ANO4: variants seen among roughly 807,000 people sequenced by gnomAD.
ANO4 encodes anoctamin 4.
In ANO4, 69 loss-of-function variants were observed where a neutral mutation model predicts 141.9. The ratio of observed to expected loss-of-function variants is 0.49; its 90% confidence interval spans 0.40 to 0.59. The LOEUF (loss-of-function observed/expected upper bound fraction) is 0.59. Among genes scored for constraint, ANO4 ranks in the 20% least tolerant of loss-of-function variants. The pLI, the probability that ANO4 is intolerant of heterozygous loss-of-function variation, is 0.00. For missense variants in ANO4, 894 were observed against 1,162.2 expected, an observed-to-expected ratio of 0.77 and a Z score of 3.36; for synonymous variants, 350 against 394.3, an observed-to-expected ratio of 0.89 and a Z score of 1.33.
intron 12 of ANO4, 111 bp from the exon 13 acceptor site, chr12:101,043,428 A>C: frequency 1.4e-6 from 1 of 730,460 alleles, no homozygotes; most frequent in Non-Finnish European, 2.3e-6. Context: ...GATGCTTCTA[A>C]GGGCAAACAT....
At chr12:100,733,943 G>A in intron 2 of ANO4, 1 of 625,252 alleles carries the variant, frequency 1.6e-6, no homozygotes. Flanking sequence ...GGGGAGGAGA[G>A]GGAAGAAAAT....
At position 101,083,831 on chromosome 12, in the gene ANO4, T is replaced by TA. The variant is rs775771623; in HGVS notation, c.1536+20dup. On this transcript the variant is annotated intron_variant, in intron 16 of 27. Transcript: ENST00000392977. ...AATATTTTTTATGGTTTGAAACTTT[T>TA]AAAAAAATATTTGTTTCATAAAATA... 4 of 1,541,888 alleles carry TA rather than the reference T, an allele frequency of 2.6e-6. No homozygotes were observed. Among genetic ancestry groups the TA allele is most frequent in the Admixed American group, 2.4e-5 (1 of 41,438 alleles).
At chr12:100,847,301 A>G (rs1282829436) in intron 1 of ANO4, among the ~76,000 whole-genome samples, 1 of 151,910 alleles carries the variant, frequency 6.6e-6, no homozygotes, top group East Asian at 1.9e-4. Context: ...GATCAGGTGG[A>G]ACTGTGGGTG....
chr12:100,945,339 A>T (rs2042680628), intron 5 of ANO4, among the ~76,000 whole-genome samples: 2 of 152,220 alleles, frequency 1.3e-5, no homozygotes, highest in South Asian at 4.1e-4. Flanking sequence ...CCTTTGCTCC[A>T]GGCTGATTAG....
rs148799316 is a variant in ANO4 at position 101,037,116 on chromosome 12, A to G, written c.863A>G (p.Asn288Ser). Residue 288 changes from asparagine (N) to serine (S), a missense_variant, in exon 10 of 28, where the codon AAT (asparagine) becomes AGT (serine). By Grantham distance (46) the Asn-to-Ser change is conservative. Around this residue, in one of 2 missense-constraint regions of ANO4, gnomAD observed 637 missense variants for 909.2 expected, o/e 0.70. Coordinates refer to ENST00000392977, the MANE Select transcript of ANO4 (RefSeq NM_001286615.2). Reference protein sequence around the residue: ...NKIGLNRLLTNGSYEAAFPLH... With the variant: ...NKIGLNRLLTSGSYEAAFPLH... ...TTAGGTCTGAATCGTTTGCTTACCA[A>G]TGGCTCCTATGAAGCTGCGTTTCCC... is the stretch of plus-strand genomic sequence containing the variant. 108 of 1,613,894 alleles carry G rather than the reference A, an allele frequency of 6.7e-5. No homozygotes were observed. The highest frequency in any genetic ancestry group is 1.1e-4 in the African/African-American group (8 of 74,932).
chr12:101,042,317 C>G lies in ANO4; in HGVS notation c.1020-17C>G, dbSNP rs373532890. On this transcript the variant is annotated splice_polypyrimidine_tract_variant and intron_variant, in intron 11 of 27. Coordinates refer to ENST00000392977, the MANE Select transcript of ANO4 (RefSeq NM_001286615.2). ...CACACTGCACTGTAATTTGCAAGGC[C>G]GTTGTGTCTTTAACAGGCGGTACTT... 4 of 1,613,714 alleles carry G rather than the reference C, an allele frequency of 2.5e-6. No homozygotes were observed. The highest frequency in any genetic ancestry group is 1.7e-5 in the Admixed American group (1 of 59,952).
chr12:101,121,137 G>T (rs140755910), intron 26 of ANO4, among the ~76,000 whole-genome samples: 1 of 152,126 alleles, frequency 6.6e-6, no homozygotes, highest in Non-Finnish European at 1.5e-5. Context: ...TACATTGCAT[G>T]ATGTTGAGGT....
At chr12:100,731,020 C>T (rs34312131) in intron 1 of ANO4, among the ~76,000 whole-genome samples, 10,348 of 152,186 alleles carry the variant, frequency 0.068, 489 homozygotes, top group Non-Finnish European at 0.11. Context: ...CTTCTCTGTC[C>T]AGGTACCTGC....
intron 2 of ANO4, among the ~76,000 whole-genome samples, chr12:100,737,384 T>A (rs571324152): frequency 1.3e-5 from 2 of 152,158 alleles, no homozygotes; most frequent in Non-Finnish European, 2.9e-5. Flanking sequence ...CTGAGAAACT[T>A]TCCCCTGCAG....
chr12:100,818,373 G>T (rs1444905334), intron 1 of ANO4, among the ~76,000 whole-genome samples: 1 of 151,774 alleles, frequency 6.6e-6, no homozygotes, highest in Non-Finnish European at 1.5e-5. Flanking sequence ...GAGATTGTTG[G>T]CTAAGTTGAG....
At chr12:101,042,202 T>C (rs920483250) in intron 11 of ANO4, 132 bp from the exon 12 acceptor site, 8 of 1,139,372 alleles carry the variant, frequency 7.0e-6, no homozygotes, top group Non-Finnish European at 9.9e-6. Context: ...TGGGATGTTC[T>C]TTTATCTTGG....
chr12:100,923,028 C>T (rs565091712), intron 3 of ANO4, among the ~76,000 whole-genome samples: 1 of 151,948 alleles, frequency 6.6e-6, no homozygotes, highest in South Asian at 2.1e-4. Context: ...CTCTTAATAT[C>T]GAATAATTTA....
intron 3 of ANO4, among the ~76,000 whole-genome samples, chr12:100,751,383 G>A (rs1294718623): frequency 6.6e-6 from 1 of 152,118 alleles, no homozygotes; most frequent in Non-Finnish European, 1.5e-5. Context: ...CAACCCCCAG[G>A]AACTGCTGAG....
intron 1 of ANO4, among the ~76,000 whole-genome samples, chr12:100,880,066 G>T (rs574395973): frequency 6.6e-6 from 1 of 152,270 alleles, no homozygotes; most frequent in South Asian, 2.1e-4. Context: ...TTGGAGCTGT[G>T]ATATAGCACA....
chr12:100,944,036 T>C (rs2042614472), intron 5 of ANO4, among the ~76,000 whole-genome samples: 1 of 152,210 alleles, frequency 6.6e-6, no homozygotes, highest in Non-Finnish European at 1.5e-5. Context: ...ATAGCTTTGT[T>C]CAATTAATGC....
At chr12:100,964,514 ATAT>A (rs764115853) in intron 5 of ANO4, among the ~76,000 whole-genome samples, 2 of 152,124 alleles carry the variant, frequency 1.3e-5, no homozygotes, top group Non-Finnish European at 2.9e-5. Context: ...TTAGAAATTA[ATAT>A]CTCCTCCTAG....
chr12:100,867,962 G>A (rs1223350600), intron 1 of ANO4, among the ~76,000 whole-genome samples: 2 of 152,108 alleles, frequency 1.3e-5, no homozygotes. Flanking sequence ...ATACAATATG[G>A]TACTGGGGAA....
At chr12:100,932,133 ATGCTGCAAAGCCCTC>A (rs1192201979) in intron 3 of ANO4, among the ~76,000 whole-genome samples, 1 of 152,074 alleles carries the variant, frequency 6.6e-6, no homozygotes, top group African/African-American at 2.4e-5. Flanking sequence ...TACTTGGATT[ATGCTGCAAAGCCCTC>A]TTCTGTCTTC....
At chr12:101,095,679 A>C (rs1470296470) in intron 18 of ANO4, among the ~76,000 whole-genome samples, 1 of 152,238 alleles carries the variant, frequency 6.6e-6, no homozygotes, top group East Asian at 1.9e-4. Flanking sequence ...GAAGTATTAA[A>C]TGAGAAATCA....
Sources: allele counts gnomAD v4.1 joint callset (sites outside exome capture counted in the v4.1 genomes callset), GRCh38; gene constraint gnomAD v4.1.1; regional missense constraint gnomAD v4.1.1; transcripts MANE v1.5; gene names NCBI Gene and HGNC (gene_info 2026-07-23, HGNC 2026-07-21).